The following TDRD12 variants were observed in gnomAD, a reference collection of about 807,000 sequenced individuals.
TDRD12 encodes the protein putative ATP-dependent RNA helicase TDRD12.
A neutral mutation model predicts 133.5 loss-of-function variants in TDRD12; 158 were observed. The observed-to-expected ratio is 1.18, with a 90% CI of 1.04 to 1.35. The LOEUF is 1.35. Ranked by LOEUF, TDRD12 falls within the 40% of genes most tolerant of loss-of-function variation. The probability of loss-of-function intolerance (pLI) is 0.00; values close to 1 mark genes in which losing one functional copy is unlikely to be tolerated. For missense variants in TDRD12, 1,443 were observed against 1,321.3 expected (o/e 1.09, Z -1.43); for synonymous variants, 460 against 477.9 (o/e 0.96, Z 0.49).
rs1401438389 is a variant in TDRD12 at position 32,802,618 on chromosome 19, T to A, written c.2198-38T>A. 4 of 1,531,402 alleles carry A rather than the reference T, an allele frequency of 2.6e-6. No individual in the cohort carries two copies. In the Admixed American group the frequency reaches 7.9e-5, roughly 30 times the overall value. 94.9% of individuals were successfully genotyped at this position (1,531,402 alleles called of 1,614,324 possible). Reference sequence around the variant, plus strand: ...TGCCGGTTAAAGTAAGTGCGGTAACTCCAGCGCGTGTGACATTGTCGGACT... The same window carrying A: ...TGCCGGTTAAAGTAAGTGCGGTAACACCAGCGCGTGTGACATTGTCGGACT... On this transcript the variant is annotated intron_variant, in intron 19 of 27. Coordinates refer to ENST00000444215, the Ensembl canonical transcript of TDRD12.
At chr19:32,760,345 C>T (rs764018088) in intron 8 of TDRD12, among the ~76,000 whole-genome samples, 3 of 152,046 alleles carry the variant, frequency 2.0e-5, no homozygotes, top group Non-Finnish European at 4.4e-5. Flanking sequence ...TATAGATTTC[C>T]CTTTCCTTTA....
At position 32,733,470 on chromosome 19, in the gene TDRD12, CA is replaced by C. The variant is rs5827819; in HGVS notation, c.183+1601del. On this transcript the variant is annotated intron_variant, in intron 2 of 27. Transcript: ENST00000444215. ...AGGCAACAAGAGTGAAACTCTGTCT[CA>C]AAAAAAAAAAAAATGTATATGTGTG... 3.3e-3 allele frequency among the ~76,000 whole-genome samples: 468 copies of C among 143,080 alleles called. 1 individual carries two copies. Among genetic ancestry groups the C allele is most frequent in the Non-Finnish European group, 3.7e-3 (242 of 64,978 alleles). 93.9% of individuals were successfully genotyped at this position (143,080 alleles called of 152,430 possible).
At chr19:32,744,804 C>T (rs1204074339) in intron 4 of TDRD12, among the ~76,000 whole-genome samples, 1 of 152,118 alleles carries the variant, frequency 6.6e-6, no homozygotes, top group African/African-American at 2.4e-5. Flanking sequence ...TTCTCCCTTC[C>T]CGGGACGATG....
chr19:32,801,008 C>T (rs1245571823), intron 18 of TDRD12, among the ~76,000 whole-genome samples: 1 of 151,674 alleles, frequency 6.6e-6, no homozygotes, highest in African/African-American at 2.4e-5. Context: ...TTCCCCAGGG[C>T]AGGGCAGTTT....
chr19:32,803,814 A>T (rs1001564836), intron 21 of TDRD12, among the ~76,000 whole-genome samples: 2 of 152,150 alleles, frequency 1.3e-5, no homozygotes, highest in Admixed American at 1.3e-4. Context: ...ATGATTAATG[A>T]TGTTGAATAT....
chr19:32,789,078 G>A (rs1192205242), intron 11 of TDRD12, among the ~76,000 whole-genome samples: 3 of 152,090 alleles, frequency 2.0e-5, no homozygotes, highest in South Asian at 4.1e-4. Context: ...GTGAGTGGCC[G>A]TCTGGTGTGG....
rs939287488 is a variant in TDRD12, at chr19:32,755,281, G to A, written c.583-711G>A. On this transcript the variant is annotated intron_variant, in intron 6 of 27. Transcript: ENST00000444215. ...GCATTACCTAGGAGTCAAACTTTTG[G>A]ATCATATTGTAGGTATTAAGAAGCT... 7.9e-5 allele frequency among the ~76,000 whole-genome samples: 12 copies of A among 152,152 alleles called. 1 individual carries two copies. Among genetic ancestry groups the A allele is most frequent in the African/African-American group, 2.9e-4 (12 of 41,440 alleles).
chr19:32,817,779 C>T (rs575286413), intron 26 of TDRD12, among the ~76,000 whole-genome samples: 1 of 151,352 alleles, frequency 6.6e-6, no homozygotes, highest in South Asian at 2.1e-4. Context: ...GAGGTGCAAA[C>T]TCCAGGTCTC....
intron 21 of TDRD12, 79 bp from the exon 22 acceptor site, chr19:32,807,470 T>A (rs1455609409): frequency 2.0e-6 from 2 of 996,112 alleles, no homozygotes; most frequent in Non-Finnish European, 2.8e-6. Context: ...GGTTGCAGAT[T>A]AATTTTCTGA....
downstream of TDRD12, among the ~76,000 whole-genome samples, chr19:32,823,599 G>A (rs1305029938): frequency 1.3e-5 from 2 of 152,184 alleles, no homozygotes; most frequent in Admixed American, 1.3e-4. Context: ...GAATGTAGCT[G>A]TTAAAATGCA....
chr19:32,786,811 G>C (rs759347381), intron 11 of TDRD12, among the ~76,000 whole-genome samples: 21 of 152,080 alleles, frequency 1.4e-4, no homozygotes, highest in Non-Finnish European at 2.5e-4. Context: ...GGTTATTCTA[G>C]TTAGCCATTC....
At chr19:32,802,546 A>G in intron 19 of TDRD12, 110 bp from the exon 20 acceptor site, 1 of 1,285,920 alleles carries the variant, frequency 7.8e-7, no homozygotes, top group Non-Finnish European at 1.0e-6. Context: ...TGCATCCAAA[A>G]AAGTAAAATG....
intron 11 of TDRD12, among the ~76,000 whole-genome samples, chr19:32,785,351 A>G (rs1071484): frequency 6.6e-6 from 1 of 152,114 alleles, no homozygotes; most frequent in Non-Finnish European, 1.5e-5. Flanking sequence ...CTGTTATTTT[A>G]CATTTGCTGA....
At chr19:32,827,291 T>C in exon 10 of TDRD12, 1 of 1,223,538 alleles carries the variant, frequency 8.2e-7, no homozygotes, top group East Asian at 3.2e-5. Context: ...GGCTGGAAGA[T>C]GTTGAACAAA....
chr19:32,801,286 G>A (rs756378911), intron 18 of TDRD12, among the ~76,000 whole-genome samples: 1 of 151,506 alleles, frequency 6.6e-6, no homozygotes, highest in Non-Finnish European at 1.5e-5. Flanking sequence ...CAAATAAATT[G>A]GCTAAAGATT....
At chr19:32,734,579 C>A (rs993015050) in intron 2 of TDRD12, among the ~76,000 whole-genome samples, 6 of 151,888 alleles carry the variant, frequency 4.0e-5, no homozygotes, top group African/African-American at 1.5e-4. Flanking sequence ...CGCCATGTTG[C>A]CCAGGCTGGT....
At chr19:32,790,538 C>A in exon 12 of TDRD12, 1 of 1,551,782 alleles carries the variant, frequency 6.4e-7, no homozygotes, top group Non-Finnish European at 8.7e-7. Context: ...CAGATTACTG[C>A]AGTTTTTAAA....
intron 17 of TDRD12, 94 bp downstream of exon 17, chr19:32,800,452 G>A: frequency 9.5e-7 from 1 of 1,052,964 alleles, no homozygotes; most frequent in Non-Finnish European, 1.3e-6. Context: ...TTTATTTCAT[G>A]GCTTAGTATT....
At chr19:32,819,126 G>A (rs1967289842) in intron 27 of TDRD12, among the ~76,000 whole-genome samples, 1 of 152,062 alleles carries the variant, frequency 6.6e-6, no homozygotes, top group Non-Finnish European at 1.5e-5. Flanking sequence ...AGACCAGCCT[G>A]GGCAACATAG....
Sources: allele counts gnomAD v4.1 joint callset (sites outside exome capture counted in the v4.1 genomes callset), GRCh38; gene constraint gnomAD v4.1.1; transcripts MANE v1.5; gene names NCBI Gene and HGNC (gene_info 2026-07-23, HGNC 2026-07-21).